Variants in TTC28 observed in about 807,000 individuals in gnomAD.
TTC28 encodes the protein tetratricopeptide repeat protein 28.
In TTC28, 61 loss-of-function variants were observed where a neutral mutation model predicts 198.0. That is an observed-to-expected ratio of 0.31 (90% CI 0.25 to 0.38). The LOEUF (loss-of-function observed/expected upper bound fraction) is 0.38, where lower values mean the gene tolerates loss of function less well. TTC28 is among the 10% of genes least tolerant of loss of function. The pLI, the probability that TTC28 is intolerant of heterozygous loss-of-function variation, is 1.00. For missense variants in TTC28, 2,678 were observed against 3,164.0 expected, an observed-to-expected ratio of 0.85 and a Z score of 3.69; for synonymous variants, 1,171 against 1,297.8, an observed-to-expected ratio of 0.90 and a Z score of 2.10.
chr22:28,023,516 T>G (rs1938696866), intron 13 of TTC28, among the ~76,000 whole-genome samples: 1 of 152,244 alleles, frequency 6.6e-6, no homozygotes, highest in Non-Finnish European at 1.5e-5. Context: ...AGCTGATGCA[T>G]GTCCAGCAAT....
At chr22:28,514,746 A>T (rs2048749194) in intron 2 of TTC28, among the ~76,000 whole-genome samples, 1 of 152,202 alleles carries the variant, frequency 6.6e-6, no homozygotes, top group Admixed American at 6.5e-5. Flanking sequence ...GCATTCAGTG[A>T]CATCACTTAC....
At chr22:28,010,212 C>T (rs1393938124) in intron 14 of TTC28, among the ~76,000 whole-genome samples, 2 of 152,182 alleles carry the variant, frequency 1.3e-5, no homozygotes, top group Non-Finnish European at 2.9e-5. Context: ...ATGCTGGTGA[C>T]AGTGCTTTTT....
intron 14 of TTC28, among the ~76,000 whole-genome samples, chr22:28,011,060 T>G (rs73427703): frequency 2.8e-3 from 427 of 152,226 alleles, no homozygotes; most frequent in African/African-American, 9.7e-3. Flanking sequence ...CCCTGGGGGA[T>G]TATTCCAGGA....
chr22:28,409,579 T>C (rs925651286), intron 2 of TTC28, among the ~76,000 whole-genome samples: 1 of 149,946 alleles, frequency 6.7e-6, no homozygotes, highest in African/African-American at 2.4e-5. Flanking sequence ...ATATATAACA[T>C]ATATAAAAAA....
chr22:28,018,813 GC>G (rs1938483478), intron 13 of TTC28, among the ~76,000 whole-genome samples: 1 of 152,188 alleles, frequency 6.6e-6, no homozygotes, highest in Admixed American at 6.5e-5. Context: ...AGGGTGTCAA[GC>G]TGGGACTCAG....
rs1047326076 is a variant in TTC28, at chr22:28,297,897, G to A, written c.530-45C>T. 1.5e-5 allele frequency: 23 copies of A among 1,531,436 alleles called. No individual in the cohort carries two copies. In the African/African-American group the frequency reaches 2.5e-4, roughly 17 times the overall value. The allele number at this position is 1,531,436 out of a possible 1,614,324, so 94.9% of individuals were successfully genotyped here. ...ACAGCAACATAACAGGAGAATGTAG[G>A]ATGATACAAAAACAATCTTTTCTAA... On this transcript the variant is annotated intron_variant, in intron 3 of 22. Coordinates refer to ENST00000397906, the MANE Select transcript of TTC28 (RefSeq NM_001145418.2).
intron 6 of TTC28, among the ~76,000 whole-genome samples, chr22:28,117,726 A>AC (rs1490808056): frequency 2.0e-5 from 3 of 152,130 alleles, no homozygotes; most frequent in Admixed American, 6.5e-5. Flanking sequence ...TGTCACCAGA[A>AC]CCCCCCTATT....
intron 2 of TTC28, among the ~76,000 whole-genome samples, chr22:28,373,623 T>TAAA (rs2046368841): frequency 6.6e-6 from 1 of 152,180 alleles, no homozygotes; most frequent in Non-Finnish European, 1.5e-5. Flanking sequence ...CAAGCTTGTT[T>TAAA]AGTAGGTAAT....
intron 2 of TTC28, among the ~76,000 whole-genome samples, chr22:28,541,609 C>A (rs1026485296): frequency 6.6e-6 from 1 of 151,554 alleles, no homozygotes; most frequent in Non-Finnish European, 1.5e-5. Context: ...TAAAACATGA[C>A]CTGAAGAAAA....
intron 12 of TTC28, among the ~76,000 whole-genome samples, chr22:28,032,264 T>TAAA (rs1939158406): frequency 7.6e-5 from 6 of 78,468 alleles, no homozygotes; most frequent in African/African-American, 1.3e-4. Flanking sequence ...TATATATATA[T>TAAA]ATAGTGTGTG....
intron 2 of TTC28, among the ~76,000 whole-genome samples, chr22:28,529,424 G>A (rs1354609386): frequency 6.6e-6 from 1 of 152,186 alleles, no homozygotes; most frequent in African/African-American, 2.4e-5. Flanking sequence ...CAAACTGGGT[G>A]GAGTCCACCA....
At position 28,237,065 on chromosome 22, in the gene TTC28, T is replaced by C. The variant is rs984047885; in HGVS notation, c.933+59133A>G. Among the ~76,000 whole-genome samples the C allele has an allele frequency of 4.6e-5, 7 of 152,194 alleles. 1 individual carries two copies. Among genetic ancestry groups the C allele is most frequent in the Admixed American group, 2.0e-4 (3 of 15,280 alleles). On this transcript the variant is annotated intron_variant, in intron 5 of 22. Coordinates refer to ENST00000397906, the MANE Select transcript of TTC28 (RefSeq NM_001145418.2). ...TTCCCCTCTTTATCCTGCCTTCTTC[T>C]GGATCAAGTGAGCATTTTTTAGGAT... is the stretch of plus-strand genomic sequence containing the variant.
At chr22:28,473,484 C>A (rs1165516898) in intron 2 of TTC28, among the ~76,000 whole-genome samples, 1 of 152,146 alleles carries the variant, frequency 6.6e-6, no homozygotes, top group Admixed American at 6.5e-5. Context: ...AAGTTACCAC[C>A]CCTTTCCATG....
At chr22:28,353,185 CAGA>C (rs949954376) in intron 2 of TTC28, among the ~76,000 whole-genome samples, 24 of 152,000 alleles carry the variant, frequency 1.6e-4, no homozygotes, top group African/African-American at 5.3e-4. Flanking sequence ...ACAAGAGTTC[CAGA>C]AGAAGTTAAT....
intron 2 of TTC28, among the ~76,000 whole-genome samples, chr22:28,533,374 G>T (rs1468624821): frequency 6.6e-6 from 1 of 152,098 alleles, no homozygotes; most frequent in Non-Finnish European, 1.5e-5. Context: ...CCTCTTCAAG[G>T]AGAACTACAA....
At chr22:28,334,692 T>C (rs1344163651) in intron 2 of TTC28, among the ~76,000 whole-genome samples, 7 of 152,198 alleles carry the variant, frequency 4.6e-5, no homozygotes, top group African/African-American at 1.7e-4. Flanking sequence ...CACTTGTTAA[T>C]GGGGTTATTT....
chr22:28,572,477 A>G (rs1039269308), intron 2 of TTC28, among the ~76,000 whole-genome samples: 1 of 152,220 alleles, frequency 6.6e-6, no homozygotes, highest in East Asian at 1.9e-4. Context: ...ACAAATTATG[A>G]CTATATCATC....
chr22:28,658,404 G>A (rs2051692389), intron 1 of TTC28, among the ~76,000 whole-genome samples: 1 of 152,172 alleles, frequency 6.6e-6, no homozygotes, highest in Admixed American at 6.5e-5. Context: ...CTTGCAAGGA[G>A]TAAAAAATCT....
chr22:28,620,212 T>C (rs756901622), intron 2 of TTC28, among the ~76,000 whole-genome samples: 1 of 152,052 alleles, frequency 6.6e-6, no homozygotes, highest in Non-Finnish European at 1.5e-5. Context: ...TAGCTGGGTA[T>C]GGTGGTGCAC....
Sources: allele counts gnomAD v4.1 joint callset (sites outside exome capture counted in the v4.1 genomes callset), GRCh38; gene constraint gnomAD v4.1.1; transcripts MANE v1.5; gene names NCBI Gene and HGNC (gene_info 2026-07-23, HGNC 2026-07-21).